PCDH15: variants seen among roughly 807,000 people sequenced by gnomAD.
The protein encoded by PCDH15 is protocadherin-15.
In PCDH15, 129 loss-of-function variants were observed where a neutral mutation model predicts 178.5. The ratio of observed to expected loss-of-function variants is 0.72; its 90% confidence interval spans 0.63 to 0.84. The LOEUF (loss-of-function observed/expected upper bound fraction) is 0.84. Among genes scored for constraint, PCDH15 ranks in the 40% least tolerant of loss-of-function variants. The pLI, the probability that PCDH15 is intolerant of heterozygous loss-of-function variation, is 0.00. For synonymous variants in PCDH15, 800 were observed against 732.0 expected, an observed-to-expected ratio of 1.09 and a Z score of -1.50; for missense variants, 2,230 against 2,099.9, an observed-to-expected ratio of 1.06 and a Z score of -1.21.
At chr10:54,179,161 A>G (rs1455094587) in intron 13 of PCDH15, among the ~76,000 whole-genome samples, 1 of 152,168 alleles carries the variant, frequency 6.6e-6, no homozygotes, top group Non-Finnish European at 1.5e-5. Context: ...AAGACTTGGA[A>G]CCAACCCAAA....
chr10:55,547,886 G>GGTGTGGGT (rs1554795732), intron 2 of PCDH15, among the ~76,000 whole-genome samples: 3 of 57,578 alleles, frequency 5.2e-5, no homozygotes, highest in Non-Finnish European at 1.0e-4. Flanking sequence ...GCAGGGAGGT[G>GGTGTGGGT]GTGTGTGTGT....
intron 26 of PCDH15, among the ~76,000 whole-genome samples, chr10:53,883,280 T>G (rs927943556): frequency 1.3e-5 from 2 of 152,204 alleles, no homozygotes. Context: ...TCCATTTTTT[T>G]GTCATTAGCC....
chr10:54,630,442 G>A (rs574599301), intron 2 of PCDH15, among the ~76,000 whole-genome samples: 1 of 152,282 alleles, frequency 6.6e-6, no homozygotes, highest in African/African-American at 2.4e-5. Context: ...AATGGTGCTA[G>A]TTTAACTGGC....
At chr10:54,231,218 C>T (rs2054027201) in intron 9 of PCDH15, among the ~76,000 whole-genome samples, 1 of 152,228 alleles carries the variant, frequency 6.6e-6, no homozygotes, top group African/African-American at 2.4e-5. Flanking sequence ...CAGGACACTG[C>T]TTCCTGCATC....
intron 2 of PCDH15, chr10:54,568,774 T>C (rs993416745): frequency 2.0e-5 from 3 of 152,138 alleles, no homozygotes; most frequent in African/African-American, 7.2e-5. Flanking sequence ...TATTATCTAA[T>C]GGTACCTTTT....
intron 21 of PCDH15, among the ~76,000 whole-genome samples, chr10:53,968,745 T>C (rs1483875030): frequency 6.6e-6 from 1 of 152,170 alleles, no homozygotes; most frequent in Non-Finnish European, 1.5e-5. Context: ...AAACACGGTC[T>C]GGAGTGGACC....
chr10:53,872,300 C>A (rs2079926565), intron 26 of PCDH15, among the ~76,000 whole-genome samples: 1 of 152,148 alleles, frequency 6.6e-6, no homozygotes, highest in Admixed American at 6.5e-5. Context: ...ACACTTTAGT[C>A]TTTTGCCTTA....
At position 55,318,337 on chromosome 10, in the gene PCDH15, C is replaced by T. The variant is rs1316755817; in HGVS notation, c.-156+1262G>A. 3.3e-5 allele frequency among the ~76,000 whole-genome samples: 5 copies of T among 152,030 alleles called. No homozygotes were observed. In the East Asian group the frequency reaches 9.6e-4, roughly 29 times the overall value. ...CTGAATAACTGGAAATAATACATTACTTTGAAGGAGACAATAAATTAAGTA... is the reference window on the plus strand; with the variant it reads ...CTGAATAACTGGAAATAATACATTATTTTGAAGGAGACAATAAATTAAGTA... On this transcript the variant is annotated intron_variant, in intron 1 of 5. Transcript: ENST00000458638.
At chr10:54,760,149 G>T (rs1332268583) in intron 1 of PCDH15, among the ~76,000 whole-genome samples, 1 of 152,098 alleles carries the variant, frequency 6.6e-6, no homozygotes, top group African/African-American at 2.4e-5. Context: ...ATAAAATGTT[G>T]ACAACCTTAA....
chr10:53,905,290 T>C (rs1030273345), intron 25 of PCDH15: 4 of 503,882 alleles, frequency 7.9e-6, no homozygotes, highest in African/African-American at 7.8e-5. Flanking sequence ...ATAGGATACA[T>C]TAAATCAAAT....
At chr10:55,483,275 T>G (rs1413749694) in intron 2 of PCDH15, among the ~76,000 whole-genome samples, 3 of 109,060 alleles carry the variant, frequency 2.8e-5, no homozygotes, top group Non-Finnish European at 5.8e-5. Context: ...CTTAAATAAA[T>G]TTTTACAAAA....
intron 2 of PCDH15, among the ~76,000 whole-genome samples, chr10:55,540,764 T>A (rs1280375615): frequency 6.6e-6 from 1 of 152,088 alleles, no homozygotes; most frequent in Non-Finnish European, 1.5e-5. Context: ...TGTTTTGAAC[T>A]GAATTATTTG....
chr10:55,434,364 G>A lies in PCDH15; in HGVS notation c.-156+193261C>T, dbSNP rs932466613. The stretch of plus-strand genomic sequence containing the variant: ...AGCCACCACGCCCGGCCAATTCTCC[G>A]CTTTTTCAAACGCTATTGCTTTTGT... On this transcript the variant is annotated intron_variant, in intron 2 of 5. Transcript: ENST00000613346. Among the ~76,000 whole-genome samples, 12 of 151,312 alleles carry A rather than the reference G, an allele frequency of 7.9e-5. 1 individual carries two copies. The highest frequency in any genetic ancestry group is 1.3e-4 in the Non-Finnish European group (9 of 67,810).
chr10:55,040,889 A>G (rs1297024213), intron 2 of PCDH15, among the ~76,000 whole-genome samples: 1 of 152,078 alleles, frequency 6.6e-6, no homozygotes, highest in African/African-American at 2.4e-5. Flanking sequence ...GATGAGATAA[A>G]CATTGTGAAG....
At chr10:54,746,025 C>T (rs1418716508) in intron 1 of PCDH15, among the ~76,000 whole-genome samples, 4 of 152,144 alleles carry the variant, frequency 2.6e-5, no homozygotes, top group African/African-American at 9.7e-5. Context: ...ATCCTTCATT[C>T]ATAAATAATT....
At chr10:53,968,230 A>G (rs2089261777) in intron 21 of PCDH15, among the ~76,000 whole-genome samples, 1 of 152,174 alleles carries the variant, frequency 6.6e-6, no homozygotes, top group African/African-American at 2.4e-5. Context: ...AGAGGGTCCC[A>G]CACCCATGAA....
chr10:55,599,837 T>G, intron 2 of PCDH15: 5 of 1,002,032 alleles, frequency 5.0e-6, no homozygotes, highest in Non-Finnish European at 7.1e-6. Context: ...GTTTAAGGGT[T>G]GCGGTATCCT....
intron 21 of PCDH15, among the ~76,000 whole-genome samples, chr10:53,968,291 G>T (rs2089269575): frequency 6.6e-6 from 1 of 152,296 alleles, no homozygotes; most frequent in East Asian, 1.9e-4. Flanking sequence ...CAAGGCAGCA[G>T]TGAGGCTAGG....
chr10:54,300,170 C>G (rs1390582980), intron 8 of PCDH15, among the ~76,000 whole-genome samples: 1 of 151,944 alleles, frequency 6.6e-6, no homozygotes, highest in Non-Finnish European at 1.5e-5. Flanking sequence ...TTGTTTTTAC[C>G]CTAACCAGTC....
Sources: allele counts gnomAD v4.1 joint callset (sites outside exome capture counted in the v4.1 genomes callset), GRCh38; gene constraint gnomAD v4.1.1; transcripts MANE v1.5; gene names NCBI Gene and HGNC (gene_info 2026-07-23, HGNC 2026-07-21).